The following ABRACL variants were observed in gnomAD, a reference collection of about 807,000 sequenced individuals.
The protein encoded by ABRACL is ABRA C-terminal like.
A neutral mutation model predicts 7.0 loss-of-function variants in ABRACL; 4 were observed. The observed-to-expected ratio is 0.57, with a 90% CI of 0.28 to 1.30. The LOEUF is 1.30. Among genes scored for constraint, ABRACL ranks in the 50% most tolerant of loss-of-function variants. ABRACL has a pLI of 0.10. For synonymous variants in ABRACL, 30 were observed against 36.0 expected, an observed-to-expected ratio of 0.83 and a Z score of 0.60; for missense variants, 104 against 97.3, an observed-to-expected ratio of 1.07 and a Z score of -0.29.
chr6:139,029,844 T>C (rs1379085815), intron 1 of ABRACL, among the ~76,000 whole-genome samples: 1 of 152,212 alleles, frequency 6.6e-6, no homozygotes, highest in Admixed American at 6.5e-5. Context: ...TCCAGTAGGC[T>C]TTATTTCCTT....
chr6:139,040,469 C>A (rs1786227722), intron 2 of ABRACL, among the ~76,000 whole-genome samples: 1 of 152,166 alleles, frequency 6.6e-6, no homozygotes, highest in Admixed American at 6.5e-5. Flanking sequence ...TGAGAATTTA[C>A]TGTATGCTGG....
At chr6:139,033,143 T>C (rs1342532119) in intron 1 of ABRACL, among the ~76,000 whole-genome samples, 1 of 152,124 alleles carries the variant, frequency 6.6e-6, no homozygotes, top group Non-Finnish European at 1.5e-5. Flanking sequence ...CCACAGTATG[T>C]GTGAAGGCTG....
intron 2 of ABRACL, among the ~76,000 whole-genome samples, chr6:139,034,771 G>A (rs1319685954): frequency 6.6e-6 from 1 of 152,220 alleles, no homozygotes; most frequent in South Asian, 2.1e-4. Context: ...CCTTTAGGTA[G>A]TGTTTAAGAA....
intron 2 of ABRACL, among the ~76,000 whole-genome samples, chr6:139,040,173 T>C (rs539348645): frequency 6.6e-6 from 1 of 152,208 alleles, no homozygotes; most frequent in African/African-American, 2.4e-5. Context: ...TCTTCCACAT[T>C]TTTTCTTCCA....
intron 1 of ABRACL, among the ~76,000 whole-genome samples, chr6:139,033,206 C>T (rs1786107113): frequency 6.6e-6 from 1 of 152,224 alleles, no homozygotes; most frequent in Non-Finnish European, 1.5e-5. Flanking sequence ...CACATGGCTA[C>T]AGCCTAGAGT....
At chr6:139,039,134 A>T (rs981232468) in intron 2 of ABRACL, among the ~76,000 whole-genome samples, 6 of 152,116 alleles carry the variant, frequency 3.9e-5, no homozygotes, top group Non-Finnish European at 7.4e-5. Context: ...CTGAGACAGG[A>T]GAATCACTTG....
rs372777389 is a variant in ABRACL at position 139,036,838 on chromosome 6, G to A, written c.61+2617G>A. ...ATCTCTACAAAAAAATAAAAAATTA[G>A]CCAGGCATGGTGGCATGCAACTGTG... is the stretch of plus-strand genomic sequence containing the variant. On this transcript the variant is annotated intron_variant, in intron 2 of 2. Coordinates refer to ENST00000367660, the MANE Select transcript of ABRACL (RefSeq NM_021243.3). Among the ~76,000 whole-genome samples, 7 of 152,142 alleles carry A rather than the reference G, an allele frequency of 4.6e-5. No homozygotes were observed. The East Asian group carries it at 1.4e-3, about 29-fold the overall frequency.
intron 2 of ABRACL, 98 bp from the exon 3 acceptor site, chr6:139,042,621 C>A: frequency 8.5e-7 from 1 of 1,169,614 alleles, no homozygotes; most frequent in Non-Finnish European, 1.2e-6. Flanking sequence ...CCTTGGATAG[C>A]CCATAGTTAT....
chr6:139,043,137 A>G lies in ABRACL; in HGVS notation c.*234A>G. On this transcript the variant is annotated 3_prime_UTR_variant, in exon 3 of 3. Transcript: ENST00000367660. ...AGGAATCTGGTTAGGAATTGCAGGC[A>G]ATGAGATTTTTTGCGGGGCAGGGAT... is the stretch of plus-strand genomic sequence containing the variant. 3.0e-6 allele frequency: 1 copy of G among 328,902 alleles called. No individual in the cohort carries two copies. The highest frequency in any genetic ancestry group is 5.4e-6 in the Non-Finnish European group (1 of 184,886). The allele number at this position is 328,902 out of a possible 1,614,324, so 20.4% of individuals were successfully genotyped here.
At chr6:139,042,326 A>T (rs1786264513) in intron 2 of ABRACL, among the ~76,000 whole-genome samples, 1 of 152,208 alleles carries the variant, frequency 6.6e-6, no homozygotes, top group South Asian at 2.1e-4. Flanking sequence ...CCGAGTGTTC[A>T]GAACACACTT....
intron 1 of ABRACL, among the ~76,000 whole-genome samples, chr6:139,033,443 T>G (rs1266627060): frequency 1.3e-5 from 2 of 152,232 alleles, no homozygotes; most frequent in Non-Finnish European, 2.9e-5. Flanking sequence ...TTAAAATTGC[T>G]GTTGTATTGA....
chr6:139,038,292 T>C (rs966194602), intron 2 of ABRACL, among the ~76,000 whole-genome samples: 2 of 152,374 alleles, frequency 1.3e-5, no homozygotes, highest in East Asian at 1.9e-4. Context: ...ATTAGAAGAC[T>C]TAAGATAATT....
intron 2 of ABRACL, among the ~76,000 whole-genome samples, chr6:139,041,531 A>ATATATATATTTTT (rs748288046): frequency 2.4e-5 from 3 of 126,036 alleles, no homozygotes; most frequent in African/African-American, 9.3e-5. Context: ...ATATATATAT[A>ATATATATATTTTT]TTTTTTTTTA....
intron 1 of ABRACL, 102 bp from the exon 2 acceptor site, chr6:139,034,053 T>A: frequency 7.0e-7 from 1 of 1,425,888 alleles, no homozygotes. Context: ...GGTAAATTAA[T>A]AGTGACAGAC....
At chr6:139,032,013 T>G (rs1431620874) in intron 1 of ABRACL, among the ~76,000 whole-genome samples, 1 of 151,454 alleles carries the variant, frequency 6.6e-6, no homozygotes, top group African/African-American at 2.4e-5. Context: ...CAGGTTGGAG[T>G]GCAGTGGCGT....
At chr6:139,038,723 G>A (rs1186817335) in intron 2 of ABRACL, among the ~76,000 whole-genome samples, 1 of 152,046 alleles carries the variant, frequency 6.6e-6, no homozygotes, top group Non-Finnish European at 1.5e-5. Context: ...TCCTCTTTAG[G>A]TAGCTGAAAG....
chr6:139,041,900 C>G (rs1786259413), intron 2 of ABRACL, among the ~76,000 whole-genome samples: 1 of 152,092 alleles, frequency 6.6e-6, no homozygotes, highest in African/African-American at 2.4e-5. Flanking sequence ...AAGTTCTAGC[C>G]AGGGAGCATG....
chr6:139,032,851 T>C (rs1259503359), intron 1 of ABRACL, among the ~76,000 whole-genome samples: 1 of 152,248 alleles, frequency 6.6e-6, no homozygotes, highest in East Asian at 1.9e-4. Context: ...TTTCAGTTCA[T>C]GAGGTCAATA....
At chr6:139,040,516 T>A (rs1786228264) in intron 2 of ABRACL, among the ~76,000 whole-genome samples, 1 of 152,206 alleles carries the variant, frequency 6.6e-6, no homozygotes, top group South Asian at 2.1e-4. Context: ...TTATGTCTGT[T>A]AATCCTTGCA....
Sources: gnomAD v4.1 joint callset for allele counts (sites outside exome capture counted in the v4.1 genomes callset) on GRCh38, gnomAD v4.1.1 for gene constraint, MANE v1.5 for transcripts, NCBI Gene and HGNC (gene_info 2026-07-23, HGNC 2026-07-21) for gene names.